TNPO1: variants seen among roughly 807,000 people sequenced by gnomAD.
TNPO1 encodes the protein transportin 1.
A neutral mutation model predicts 119.5 loss-of-function variants in TNPO1; 8 were observed. The ratio of observed to expected loss-of-function variants is 0.07; its 90% CI spans 0.04 to 0.12. The LOEUF (loss-of-function observed/expected upper bound fraction) is 0.12, where lower values mean the gene tolerates loss of function less well. Ranked by LOEUF, TNPO1 falls within the 10% of genes least tolerant of loss-of-function variation. The pLI, the probability that TNPO1 is intolerant of heterozygous loss-of-function variation, is 1.00. For missense variants in TNPO1, 576 were observed against 1,089.8 expected (o/e 0.53, Z 6.64); for synonymous variants, 362 against 363.0 (o/e 1.00, Z 0.03).
intron 1 of TNPO1, chr5:72,848,077 G>A: frequency 6.4e-6 from 7 of 1,097,862 alleles, no homozygotes; most frequent in Non-Finnish European, 7.8e-6. Flanking sequence ...GGACCCAGGG[G>A]GCTCCCGTGA....
intron 6 of TNPO1, among the ~76,000 whole-genome samples, chr5:72,869,294 C>G (rs1747190519): frequency 6.6e-6 from 1 of 152,142 alleles, no homozygotes; most frequent in South Asian, 2.1e-4. Context: ...CACCTGTAAT[C>G]CCAGCACTTT....
Position 72,817,146 on chromosome 5 carries a change from T to C in TNPO1, c.15+394T>C, listed in dbSNP as rs1743730191. Among the ~76,000 whole-genome samples, 4 of 152,208 alleles carry C rather than the reference T, an allele frequency of 2.6e-5. 1 individual carries two copies. The South Asian group carries it at 8.3e-4, about 31-fold the overall frequency. On this transcript the variant is annotated intron_variant, in intron 1 of 24. Coordinates refer to ENST00000337273, the MANE Select transcript of TNPO1 (RefSeq NM_002270.4). ...CCCGGGACGGCTGCCTTTCACTGGT[T>C]CTGGGCGCTGGCCGGCGCTGCCCGA...
At chr5:72,830,834 A>G (rs1263815827) in intron 1 of TNPO1, among the ~76,000 whole-genome samples, 1 of 152,104 alleles carries the variant, frequency 6.6e-6, no homozygotes. Flanking sequence ...GTTTTTTTCT[A>G]AGAATCAGTT....
chr5:72,887,033 G>A lies in TNPO1; in HGVS notation c.1151-37G>A, dbSNP rs373707236. 372 of 1,574,412 alleles carry A rather than the reference G, an allele frequency of 2.4e-4. No individual in the cohort carries two copies. The African/African-American group carries it at 3.9e-3, about 17-fold the overall frequency. On this transcript the variant is annotated intron_variant, in intron 11 of 24. Coordinates refer to ENST00000337273, the MANE Select transcript of TNPO1 (RefSeq NM_002270.4). The stretch of plus-strand genomic sequence containing the variant: ...AATAAATAATATATAAGTAATAAGA[G>A]GTTAATGTAATATTTTTGAATTAAA...
At chr5:72,874,626 G>C (rs1347673855) in intron 7 of TNPO1, among the ~76,000 whole-genome samples, 1 of 152,148 alleles carries the variant, frequency 6.6e-6, no homozygotes, top group African/African-American at 2.4e-5. Context: ...TGTGGAAGCA[G>C]GACTTGGGGA....
chr5:72,857,540 A>C (rs1746100032), intron 4 of TNPO1, among the ~76,000 whole-genome samples: 1 of 152,070 alleles, frequency 6.6e-6, no homozygotes, highest in Admixed American at 6.6e-5. Flanking sequence ...GGCTTTACCT[A>C]CTCTTGACAC....
At chr5:72,887,959 T>G in intron 12 of TNPO1, 119 bp from the exon 13 acceptor site, 1 of 899,050 alleles carries the variant, frequency 1.1e-6, no homozygotes, top group Non-Finnish European at 1.7e-6. Flanking sequence ...GTTATTGTAG[T>G]ATGTGTATAG....
At chr5:72,848,202 GTTCCGCCGGGTT>G (rs1308986280) in intron 1 of TNPO1, 171 bp from the exon 2 acceptor site, 39 of 1,238,106 alleles carry the variant, frequency 3.1e-5, no homozygotes, top group Non-Finnish European at 3.9e-5. Context: ...GCCAGGAGCA[GTTCCGCCGGGTT>G]TCACTGTCCG....
At chr5:72,830,527 G>A (rs890000742) in intron 1 of TNPO1, among the ~76,000 whole-genome samples, 1 of 152,038 alleles carries the variant, frequency 6.6e-6, no homozygotes, top group Non-Finnish European at 1.5e-5. Context: ...TTATTATATT[G>A]GTAGTTTCCA....
intron 2 of TNPO1, among the ~76,000 whole-genome samples, chr5:72,850,617 C>G (rs186287888): frequency 2.6e-5 from 4 of 152,260 alleles, no homozygotes; most frequent in Admixed American, 2.6e-4. Flanking sequence ...AGCTGCCTCC[C>G]GACAGCGATG....
At chr5:72,853,073 C>A (rs900153863) in intron 3 of TNPO1, among the ~76,000 whole-genome samples, 2 of 152,140 alleles carry the variant, frequency 1.3e-5, no homozygotes, top group Non-Finnish European at 2.9e-5. Context: ...AGGATTGTTA[C>A]AATATTATAC....
At chr5:72,842,547 G>A (rs1561300651) in intron 1 of TNPO1, among the ~76,000 whole-genome samples, 1 of 152,164 alleles carries the variant, frequency 6.6e-6, no homozygotes, top group East Asian at 1.9e-4. Flanking sequence ...CAATATTTAA[G>A]TACCAGAGTT....
chr5:72,861,430 G>C (rs1353211048), intron 4 of TNPO1, among the ~76,000 whole-genome samples: 1 of 152,004 alleles, frequency 6.6e-6, no homozygotes, highest in African/African-American at 2.4e-5. Context: ...TTTGAGACAG[G>C]GTCTCACTCT....
At chr5:72,891,971 A>T in intron 15 of TNPO1, 75 bp downstream of exon 15, 2 of 1,094,344 alleles carry the variant, frequency 1.8e-6, no homozygotes, top group South Asian at 2.9e-5. Flanking sequence ...ATATGATAAG[A>T]AAAGTGTTAA....
chr5:72,877,507 A>G (rs752953585), intron 9 of TNPO1, among the ~76,000 whole-genome samples, 161 bp downstream of exon 9: 1 of 152,216 alleles, frequency 6.6e-6, no homozygotes, highest in Non-Finnish European at 1.5e-5. Context: ...TCAAAAAGCA[A>G]TTGCCTATTT....
chr5:72,873,854 G>C (rs1747580463), intron 7 of TNPO1, among the ~76,000 whole-genome samples: 2 of 152,010 alleles, frequency 1.3e-5, no homozygotes, highest in Non-Finnish European at 2.9e-5. Context: ...TAAGTAAATT[G>C]GAACAATGGC....
In TNPO1 at chr5:72,897,100, G is replaced by T. The variant is rs1270773230; in HGVS notation, c.2287G>T (p.Val763Leu). ...TATTCCTATGGTGTTGCACCAGCTT[G>T]TAGAAATCATTAACAGACCCAACAC... The part of the protein sequence containing the change: ...PYIPMVLHQL[V>L]EIINRPNTPK... Residue 763 changes from valine to leucine, a missense_variant, in exon 20 of 25, where the codon GTA (valine) becomes TTA (leucine). Val to Leu is a conservative substitution (Grantham distance 32, BLOSUM62 1). Transcript: ENST00000337273. 1 of 1,612,440 alleles carries T rather than the reference G, an allele frequency of 6.2e-7. No individual in the cohort carries two copies. Among genetic ancestry groups the T allele is most frequent in the East Asian group, 2.2e-5 (1 of 44,722 alleles).
chr5:72,828,095 G>A (rs1167564131), intron 1 of TNPO1, among the ~76,000 whole-genome samples: 1 of 152,116 alleles, frequency 6.6e-6, no homozygotes. Context: ...AGGATATTGA[G>A]GGGAGCCAGC....
intron 5 of TNPO1, 78 bp downstream of exon 5, chr5:72,861,992 A>G (rs763254014): frequency 6.7e-5 from 70 of 1,038,174 alleles, no homozygotes; most frequent in Non-Finnish European, 9.8e-5. Flanking sequence ...CTTTTGGGAA[A>G]AATAGTTCCT....
Sources: gnomAD v4.1 joint callset for allele counts (sites outside exome capture counted in the v4.1 genomes callset) on GRCh38, gnomAD v4.1.1 for gene constraint, MANE v1.5 for transcripts, NCBI Gene and HGNC (gene_info 2026-07-23, HGNC 2026-07-21) for gene names.